DPYSL5: variants seen among roughly 807,000 people sequenced by gnomAD.
The protein encoded by DPYSL5 is dihydropyrimidinase-related protein 5.
DPYSL5 carries 9 observed loss-of-function variants against 58.4 expected under a neutral mutation model. The observed-to-expected ratio is 0.15, with a 90% CI of 0.09 to 0.27. DPYSL5 has a LOEUF of 0.27. Among genes scored for constraint, DPYSL5 ranks in the 10% least tolerant of loss-of-function variants. The probability of loss-of-function intolerance (pLI) is 1.00; values close to 1 mark genes in which losing one functional copy is unlikely to be tolerated. For synonymous variants in DPYSL5, 293 were observed against 301.9 expected, an observed-to-expected ratio of 0.97 and a Z score of 0.31; for missense variants, 499 against 770.6, an observed-to-expected ratio of 0.65 and a Z score of 4.17.
chr2:26,876,903 A>G (rs1215061386), intron 1 of DPYSL5, among the ~76,000 whole-genome samples: 1 of 151,752 alleles, frequency 6.6e-6, no homozygotes, highest in East Asian at 1.9e-4. Flanking sequence ...AAACATCCTC[A>G]GAGTGTAGTC....
At chr2:26,896,324 T>A (rs982535317) in intron 1 of DPYSL5, among the ~76,000 whole-genome samples, 18 of 152,228 alleles carry the variant, frequency 1.2e-4, no homozygotes, top group Admixed American at 1.2e-3. Flanking sequence ...TATTGGCTAT[T>A]GTGAATAATG....
rs996272275 is a variant in DPYSL5, at chr2:26,924,566, C to T, written c.262-321C>T. Among the ~76,000 whole-genome samples the T allele has an allele frequency of 7.9e-5, 12 of 152,134 alleles. No homozygotes were observed. The highest frequency in any genetic ancestry group is 1.6e-4 in the Non-Finnish European group (11 of 68,028). ...TCTATAGAGTCAATTGGCTAAAAAT[C>T]GTTTGGGGAGAGAATCTCCTCATTG... is the stretch of plus-strand genomic sequence containing the variant. On this transcript the variant is annotated intron_variant, in intron 2 of 12. Coordinates refer to ENST00000288699, the MANE Select transcript of DPYSL5 (RefSeq NM_020134.4). The surrounding 1 kb of genome is among the most constrained non-coding windows in gnomAD (Gnocchi z 4.7).
Position 26,933,171 on chromosome 2 carries a change from G to A in DPYSL5, c.715-87G>A. 8.1e-7 allele frequency: 1 copy of A among 1,240,746 alleles called. No individual in the cohort carries two copies. Among genetic ancestry groups the A allele is most frequent in the Non-Finnish European group, 1.2e-6 (1 of 841,070 alleles). The allele number at this position is 1,240,746 out of a possible 1,614,324, so 76.9% of individuals were successfully genotyped here. A position where few individuals can be genotyped will look rare whatever the true frequency, so the allele number is the denominator to read the frequency against. Reference sequence around the variant, plus strand: ...GAGTGACGCAGGGGGAGGCGCTGGTGCCAGGGCTGACTTTGCCAGGGTTAT... The same window carrying A: ...GAGTGACGCAGGGGGAGGCGCTGGTACCAGGGCTGACTTTGCCAGGGTTAT... On this transcript the variant is annotated intron_variant, in intron 6 of 12. Transcript: ENST00000288699. The surrounding 1 kb of genome is among the most constrained non-coding windows in gnomAD (Gnocchi z 4.2).
chr2:26,850,250 C>G (rs1217229469), intron 1 of DPYSL5, among the ~76,000 whole-genome samples: 1 of 152,158 alleles, frequency 6.6e-6, no homozygotes, highest in Non-Finnish European at 1.5e-5. Flanking sequence ...CAGACTTCGC[C>G]CATATTGTCT....
At chr2:26,893,641 C>A (rs1042483212) in intron 1 of DPYSL5, among the ~76,000 whole-genome samples, 1 of 152,118 alleles carries the variant, frequency 6.6e-6, no homozygotes, top group African/African-American at 2.4e-5. Context: ...CGTTTATTCA[C>A]CAGTTTTGAG....
At chr2:26,945,234 T>G (rs1041214701) in intron 12 of DPYSL5, among the ~76,000 whole-genome samples, 4 of 150,704 alleles carry the variant, frequency 2.7e-5, no homozygotes, top group Non-Finnish European at 4.4e-5. Flanking sequence ...GCCTCTCTAC[T>G]CCTTCTGCTA....
In DPYSL5 at chr2:26,933,269, A is replaced by T; in HGVS notation, c.726A>T (p.Pro242=). The change falls in exon 7 of 13, where the codon CCA becomes CCT. Residue 242 remains proline, a synonymous_variant. Coordinates refer to ENST00000288699, the MANE Select transcript of DPYSL5 (RefSeq NM_020134.4). This position sits in a 1 kb window ranked among gnomAD's most constrained non-coding sequence, Gnocchi z 4.2. ...TTTCTTGTGTTTAGACTCACTGTCC[A>T]ATCTACCTGGTCAACGTGTCCAGTA... The part of the protein sequence containing the change: ...VITIANRTHC[P]IYLVNVSSIS... 1 of 1,614,148 alleles carries T rather than the reference A, an allele frequency of 6.2e-7. No homozygotes were observed. The highest frequency in any genetic ancestry group is 8.5e-7 in the Non-Finnish European group (1 of 1,179,974).
intron 1 of DPYSL5, among the ~76,000 whole-genome samples, chr2:26,886,650 A>C (rs1173430049): frequency 6.6e-6 from 1 of 152,184 alleles, no homozygotes; most frequent in African/African-American, 2.4e-5. Flanking sequence ...TAGTTTTTTA[A>C]ACTTAAATTT....
At chr2:26,888,926 G>T (rs1418623491) in intron 1 of DPYSL5, among the ~76,000 whole-genome samples, 3 of 152,100 alleles carry the variant, frequency 2.0e-5, no homozygotes, top group African/African-American at 7.2e-5. Flanking sequence ...GCTGAGGGTT[G>T]CTGTTGAGGG....
Position 26,924,614 on chromosome 2 carries a change from T to C in DPYSL5, c.262-273T>C, listed in dbSNP as rs1248634442. 6.6e-6 allele frequency among the ~76,000 whole-genome samples: 1 copy of C among 152,170 alleles called. No homozygotes were observed. Among genetic ancestry groups the C allele is most frequent in the East Asian group, 1.9e-4 (1 of 5,190 alleles). On this transcript the variant is annotated intron_variant, in intron 2 of 12. Coordinates refer to ENST00000288699, the MANE Select transcript of DPYSL5 (RefSeq NM_020134.4). The surrounding 1 kb of genome is among the most constrained non-coding windows in gnomAD (Gnocchi z 4.7). ...TTGGGAAGATAGGCCTTAGGTCGGG[T>C]GACCCACGATGTGGTTTTTCCAGCG... is the stretch of plus-strand genomic sequence containing the variant.
At chr2:26,902,693 G>A (rs935926326) in intron 2 of DPYSL5, among the ~76,000 whole-genome samples, 5 of 152,222 alleles carry the variant, frequency 3.3e-5, no homozygotes, top group South Asian at 2.1e-4. Context: ...AGACCTATTC[G>A]GCTGCATTCC....
intron 1 of DPYSL5, among the ~76,000 whole-genome samples, chr2:26,856,905 TATATA>T (rs1250782486): frequency 1.4e-5 from 2 of 147,832 alleles, no homozygotes; most frequent in African/African-American, 4.9e-5. Context: ...TATATATACA[TATATA>T]ATATATGTAA....
At position 26,925,544 on chromosome 2, in the gene DPYSL5, G is replaced by C. The variant is rs979487037; in HGVS notation, c.420+499G>C. Among the ~76,000 whole-genome samples the C allele has an allele frequency of 1.3e-5, 2 of 152,236 alleles. No homozygotes were observed. The highest frequency in any genetic ancestry group is 2.4e-5 in the African/African-American group (1 of 41,466). On this transcript the variant is annotated intron_variant, in intron 3 of 12. Transcript: ENST00000288699. The surrounding 1 kb of genome is among the most constrained non-coding windows in gnomAD (Gnocchi z 4.5). ...ATGCTTTTTTCCTACTGGGGGCCCA[G>C]CTTCTGCTCTGAGAAGCATCGAGGC...
chr2:26,884,284 CCTT>C (rs1420465515), intron 1 of DPYSL5, among the ~76,000 whole-genome samples: 2 of 152,256 alleles, frequency 1.3e-5, no homozygotes, highest in Non-Finnish European at 2.9e-5. Flanking sequence ...ACCTGTCTGT[CCTT>C]CTTCCAGGAC....
chr2:26,869,089 T>A (rs12989446), intron 1 of DPYSL5, among the ~76,000 whole-genome samples: 18 of 151,912 alleles, frequency 1.2e-4, no homozygotes, highest in Non-Finnish European at 2.4e-4. Context: ...CTCAGCCTCC[T>A]GAGTAGCTGG....
intron 8 of DPYSL5, among the ~76,000 whole-genome samples, chr2:26,937,267 A>G (rs1159452267): frequency 6.6e-6 from 1 of 152,122 alleles, no homozygotes; most frequent in Admixed American, 6.5e-5. Context: ...AATTAATTCT[A>G]TTTATTTAAG....
chr2:26,947,109 G>T lies in DPYSL5; in HGVS notation c.*114G>T. ...GCTGGGTGGCACACCACCCGAGGGGGGCCCCGGGACCCACGGAGCCCTCCC... is the reference window on the plus strand; with the variant it reads ...GCTGGGTGGCACACCACCCGAGGGGTGCCCCGGGACCCACGGAGCCCTCCC... On this transcript the variant is annotated 3_prime_UTR_variant, in exon 13 of 13. Transcript: ENST00000288699. This position sits in a 1 kb window ranked among gnomAD's most constrained non-coding sequence, Gnocchi z 4.2. 1 of 875,398 alleles carries T rather than the reference G, an allele frequency of 1.1e-6. No homozygotes were observed. The highest frequency in any genetic ancestry group is 1.8e-6 in the Non-Finnish European group (1 of 556,502). The allele number at this position is 875,398 out of a possible 1,614,324, so 54.2% of individuals were successfully genotyped here.
intron 1 of DPYSL5, among the ~76,000 whole-genome samples, chr2:26,868,366 TG>T (rs1663166014): frequency 6.6e-6 from 1 of 152,214 alleles, no homozygotes; most frequent in Non-Finnish European, 1.5e-5. Context: ...TCTTTGTGTG[TG>T]TGTGTGGCCT....
chr2:26,882,106 A>G (rs1466004608), intron 1 of DPYSL5, among the ~76,000 whole-genome samples: 3 of 151,726 alleles, frequency 2.0e-5, no homozygotes, highest in East Asian at 1.9e-4. Flanking sequence ...AAAAAAAAAA[A>G]AAAAAAGAAA....
Sources: gnomAD v4.1 joint callset for allele counts (sites outside exome capture counted in the v4.1 genomes callset) on GRCh38, gnomAD v4.1.1 for gene constraint, Gnocchi (gnomAD v3.1) non-coding constraint, MANE v1.5 for transcripts, NCBI Gene and HGNC (gene_info 2026-07-23, HGNC 2026-07-21) for gene names.